Variants in MTF1 observed in about 807,000 individuals in gnomAD.
The protein encoded by MTF1 is MRE-binding transcription factor.
In MTF1, 22 loss-of-function variants were observed where a neutral mutation model predicts 70.4. That is an observed-to-expected ratio of 0.31 (90% CI 0.22 to 0.45). MTF1 has a LOEUF of 0.45. MTF1 is among the 20% of genes least tolerant of loss of function. The pLI, the probability that MTF1 is intolerant of heterozygous loss-of-function variation, is 1.00. For missense variants in MTF1, 649 were observed against 922.0 expected (o/e 0.70, Z 3.83); for synonymous variants, 333 against 352.8 (o/e 0.94, Z 0.63).
At chr1:37,820,902 G>C (rs1040611248) in intron 9 of MTF1, among the ~76,000 whole-genome samples, 3 of 152,168 alleles carry the variant, frequency 2.0e-5, no homozygotes, top group Admixed American at 6.5e-5. Context: ...GGGAGGGCTG[G>C]GCATGATGGC....
chr1:37,827,374 T>TA (rs1641018872), intron 7 of MTF1, among the ~76,000 whole-genome samples: 1 of 147,652 alleles, frequency 6.8e-6, no homozygotes, highest in Non-Finnish European at 1.5e-5. Context: ...TTATTATTAT[T>TA]TGAGACAGAG....
At chr1:37,834,122 G>A (rs998461758) in intron 6 of MTF1, among the ~76,000 whole-genome samples, 1 of 152,142 alleles carries the variant, frequency 6.6e-6, no homozygotes, top group Admixed American at 6.5e-5. Context: ...AGCTAGTTGG[G>A]AGGATCCCTG....
rs1235867268 is a variant in MTF1 at position 37,857,525 on chromosome 1, T to C, written c.134A>G (p.Asp45Gly). 1 of 1,614,062 alleles carries C rather than the reference T, an allele frequency of 6.2e-7. No homozygotes were observed. The change falls in exon 2 of 11, where the codon GAT (aspartate) becomes GGT (glycine). Residue 45 changes from aspartate (D) to glycine (G), a missense_variant. By Grantham distance (94) the Asp-to-Gly change is moderately conservative. This residue lies in a region of MTF1 where 9 missense variants were observed against 33.6 expected (regional missense o/e 0.27). Transcript: ENST00000373036. ...CTGCTCAATAAGAACAGTGGTCCTA[T>C]CATAAACAGTTCCAGATGAGGAAGG... ...LVPSSSGTVY[D>G]RTTVLIEQDP... is the part of the protein sequence containing the mutation.
Position 37,814,518 on chromosome 1 carries a change from T to C in MTF1, c.*618A>G, listed in dbSNP as rs1040161929. 6.5e-6 allele frequency: 1 copy of C among 154,190 alleles called. No homozygotes were observed. The allele number at this position is 154,190 out of a possible 1,614,324, so 9.6% of individuals were successfully genotyped here. A position where few individuals can be genotyped will look rare whatever the true frequency, so the allele number is the denominator to read the frequency against. ...GTGAGCCAGGCCTTAAGCTGCCTAT[T>C]TGTGCTGAAGCGGGCTGCAGAACGA... is the stretch of plus-strand genomic sequence containing the variant. On this transcript the variant is annotated 3_prime_UTR_variant, in exon 11 of 11. Transcript: ENST00000373036.
intron 2 of MTF1, among the ~76,000 whole-genome samples, chr1:37,844,290 T>A (rs1641300523): frequency 6.6e-6 from 1 of 152,170 alleles, no homozygotes; most frequent in Non-Finnish European, 1.5e-5. Context: ...CCTGACTTCG[T>A]TCTCTCCTTC....
intron 3 of MTF1, 67 bp downstream of exon 3, chr1:37,839,853 G>A (rs1641229797): frequency 1.6e-6 from 2 of 1,288,508 alleles, no homozygotes; most frequent in East Asian, 4.7e-5. Flanking sequence ...TCTGCAAGGG[G>A]AAAGAGCTCT....
intron 2 of MTF1, among the ~76,000 whole-genome samples, chr1:37,850,240 C>CAAAA (rs5773605): frequency 1.6e-3 from 108 of 66,210 alleles, no homozygotes; most frequent in East Asian, 3.3e-3. Flanking sequence ...CTGTCTCAAC[C>CAAAA]AAAAAAAAAA....
intron 2 of MTF1, 87 bp downstream of exon 2, chr1:37,857,164 T>C (rs2148425283): frequency 1.4e-6 from 2 of 1,383,494 alleles, no homozygotes; most frequent in Non-Finnish European, 2.0e-6. Context: ...CATGCACTCC[T>C]TTACTCCCCA....
At chr1:37,818,572 C>T (rs986171097) in intron 9 of MTF1, among the ~76,000 whole-genome samples, 1 of 151,548 alleles carries the variant, frequency 6.6e-6, no homozygotes, top group Non-Finnish European at 1.5e-5. Flanking sequence ...GGCATGGTGG[C>T]GGGCGCCTGT....
At chr1:37,827,566 G>A (rs767381398) in intron 7 of MTF1, among the ~76,000 whole-genome samples, 12 of 152,150 alleles carry the variant, frequency 7.9e-5, no homozygotes, top group Non-Finnish European at 1.6e-4. Context: ...GTTTCACCGT[G>A]TTAGCCAAAA....
intron 7 of MTF1, among the ~76,000 whole-genome samples, chr1:37,827,797 G>T (rs1295632907): frequency 6.6e-6 from 1 of 152,106 alleles, no homozygotes; most frequent in African/African-American, 2.4e-5. Context: ...TATTAGGTTG[G>T]TGCAAAAGTA....
chr1:37,840,972 A>G lies in MTF1; in HGVS notation c.409-814T>C. ...CATGGAGCTCTCAGAGGCAAGGCTG[A>G]GAACAAGGAGTGGATGCCCATCACC... On this transcript the variant is annotated intron_variant, in intron 2 of 10. Transcript: ENST00000373036. This position sits in a 1 kb window ranked among gnomAD's most constrained non-coding sequence, Gnocchi z 4.5. 1 of 217,866 alleles carries G rather than the reference A, an allele frequency of 4.6e-6. No homozygotes were observed. The highest frequency in any genetic ancestry group is 9.2e-6 in the Non-Finnish European group (1 of 108,902). The allele number at this position is 217,866 out of a possible 1,614,324, so 13.5% of individuals were successfully genotyped here.
intron 7 of MTF1, among the ~76,000 whole-genome samples, chr1:37,827,652 C>T (rs1312541187): frequency 2.6e-5 from 4 of 151,860 alleles, no homozygotes; most frequent in Non-Finnish European, 5.9e-5. Context: ...GTGATCCACC[C>T]TCCTCGGCCT....
intron 2 of MTF1, among the ~76,000 whole-genome samples, chr1:37,856,077 G>A (rs1641487960): frequency 6.6e-6 from 1 of 151,388 alleles, no homozygotes; most frequent in Non-Finnish European, 1.5e-5. Flanking sequence ...AAAACATCCT[G>A]ACATGCATTA....
At chr1:37,830,234 T>A (rs940812736) in intron 7 of MTF1, among the ~76,000 whole-genome samples, 5 of 152,240 alleles carry the variant, frequency 3.3e-5, no homozygotes, top group Non-Finnish European at 7.3e-5. Context: ...AGTCATGTGA[T>A]GTACCCATTT....
intron 2 of MTF1, among the ~76,000 whole-genome samples, chr1:37,853,796 C>T (rs929188401): frequency 6.6e-6 from 1 of 152,198 alleles, no homozygotes; most frequent in African/African-American, 2.4e-5. Flanking sequence ...TGTACCTCTC[C>T]TTCACATTTA....
rs940302901 is a variant in MTF1, at chr1:37,822,463, G to C, written c.1425C>G (p.Ser475Arg). 6 of 1,614,150 alleles carry C rather than the reference G, an allele frequency of 3.7e-6. No individual in the cohort carries two copies. Among genetic ancestry groups the C allele is most frequent in the Non-Finnish European group, 5.1e-6 (6 of 1,180,024 alleles). The change falls in exon 9 of 11, where the codon AGC (serine) becomes AGG (arginine). Residue 475 changes from serine (S) to arginine (R), a missense_variant. Coordinates refer to ENST00000373036, the MANE Select transcript of MTF1 (RefSeq NM_005955.3). ...LQPPEVPVPH[S>R]TQFAANHQEF... The stretch of plus-strand genomic sequence containing the variant: ...CTTGATGATTAGCAGCAAACTGTGT[G>C]CTGTGGGGAACAGGCACTTCTGGAG...
At chr1:37,847,951 G>A (rs1641358539) in intron 2 of MTF1, among the ~76,000 whole-genome samples, 1 of 152,180 alleles carries the variant, frequency 6.6e-6, no homozygotes, top group Non-Finnish European at 1.5e-5. Context: ...GTGACAAAGT[G>A]AGACCCTGTC....
rs1463276550 is a variant in MTF1, at chr1:37,813,177, G to A, written c.*1959C>T. 1.3e-5 allele frequency: 2 copies of A among 152,268 alleles called. No homozygotes were observed. The highest frequency in any genetic ancestry group is 2.9e-5 in the Non-Finnish European group (2 of 68,110). 9.4% of individuals were successfully genotyped at this position (152,268 alleles called of 1,614,324 possible). A position where few individuals can be genotyped will look rare whatever the true frequency, so the allele number is the denominator to read the frequency against. ...TGCCTGTAATCCCAGCTACTCGGGA[G>A]GCTGAGGCAGAATTGCTTGAACCTG... On this transcript the variant is annotated 3_prime_UTR_variant, in exon 11 of 11. Coordinates refer to ENST00000373036, the MANE Select transcript of MTF1 (RefSeq NM_005955.3).
Sources: allele counts gnomAD v4.1 joint callset (sites outside exome capture counted in the v4.1 genomes callset), GRCh38; gene constraint gnomAD v4.1.1; regional missense constraint gnomAD v4.1.1; non-coding constraint Gnocchi (gnomAD v3.1); transcripts MANE v1.5; gene names NCBI Gene and HGNC (gene_info 2026-07-23, HGNC 2026-07-21).